GABRA6: variants seen among roughly 807,000 people sequenced by gnomAD.
GABRA6 encodes the protein gamma-aminobutyric acid receptor subunit alpha-6.
Under a neutral mutation model 47.3 loss-of-function variants are expected in GABRA6, and 45 were observed. That is an observed-to-expected ratio of 0.95 (90% CI 0.75 to 1.22). The LOEUF is 1.22. Ranked by LOEUF, GABRA6 falls within the 50% of genes most tolerant of loss-of-function variation. GABRA6 has a pLI of 0.00. For missense variants in GABRA6, 583 were observed against 549.3 expected (o/e 1.06, Z -0.61); for synonymous variants, 219 against 194.7 (o/e 1.12, Z -1.04).
At chr5:161,698,659 C>T (rs1754923975) in intron 8 of GABRA6, among the ~76,000 whole-genome samples, 1 of 151,938 alleles carries the variant, frequency 6.6e-6, no homozygotes, top group Non-Finnish European at 1.5e-5. Context: ...CCTACCTTCA[C>T]AGAAACTTGA....
At position 161,689,636 on chromosome 5, in the gene GABRA6, A is replaced by T. The variant is rs1754758983; in HGVS notation, c.530A>T (p.Tyr177Phe). Reference protein sequence around the residue: ...GHACPLKFGSYAYPKSEIIYT... With the variant: ...GHACPLKFGSFAYPKSEIIYT... Reference sequence around the variant, plus strand: ...TATTTAATTTGTTTCAAATATTTAGATGCTTATCCCAAAAGTGAAATCATA... The same window carrying T: ...TATTTAATTTGTTTCAAATATTTAGTTGCTTATCCCAAAAGTGAAATCATA... The change falls in exon 6 of 9, where the codon TAT (tyrosine) becomes TTT (phenylalanine). Residue 177 changes from tyrosine to phenylalanine, a missense_variant and splice_region_variant. Tyr to Phe is a conservative substitution (Grantham distance 22). Transcript: ENST00000274545. 6 of 1,607,314 alleles carry T rather than the reference A, an allele frequency of 3.7e-6. No homozygotes were observed. The highest frequency in any genetic ancestry group is 2.7e-5 in the African/African-American group (2 of 74,702).
intron 8 of GABRA6, among the ~76,000 whole-genome samples, chr5:161,693,935 A>G (rs1445755812): frequency 6.6e-6 from 1 of 152,196 alleles, no homozygotes. Context: ...GCCAGGGTGC[A>G]TACCACAGGA....
rs767089272 is a variant in GABRA6 at position 161,689,164 on chromosome 5, C to G, written c.441C>G (p.Thr147=). 3 of 1,613,216 alleles carry G rather than the reference C, an allele frequency of 1.9e-6. No individual in the cohort carries two copies. The highest frequency in any genetic ancestry group is 2.2e-5 in the East Asian group (1 of 44,868). Residue 147 remains threonine, a synonymous_variant, in exon 4 of 9, where the codon ACC becomes ACG. Transcript: ENST00000274545. Reference sequence around the variant, plus strand: ...TGCAGAATGGAACCATTTTATACACCATGAGGTGAGGTTTCTCCAATTCTA... The same window carrying G: ...TGCAGAATGGAACCATTTTATACACGATGAGGTGAGGTTTCTCCAATTCTA... ...RIMQNGTILY[T]MRLTINADCP...
chr5:161,692,159 A>T lies in GABRA6; in HGVS notation c.1045A>T (p.Ile349Leu). 6.2e-7 allele frequency: 1 copy of T among 1,614,242 alleles called. No homozygotes were observed. The highest frequency in any genetic ancestry group is 8.5e-7 in the Non-Finnish European group (1 of 1,180,042). ...GTTTGCAGCCCCACCCACAGTGACAATATCAAAAGCTACTGAACCTTTGGA... is the reference window on the plus strand; with the variant it reads ...GTTTGCAGCCCCACCCACAGTGACATTATCAAAAGCTACTGAACCTTTGGA... ...AQFAAPPTVT[I>L]SKATEPLEAE... The change falls in exon 8 of 9, where the codon ATA (isoleucine) becomes TTA (leucine). Residue 349 changes from isoleucine (I) to leucine (L), a missense_variant. Transcript: ENST00000274545.
chr5:161,690,421 A>C (rs1754772062), intron 7 of GABRA6, 68 bp downstream of exon 7: 3 of 1,463,008 alleles, frequency 2.1e-6, no homozygotes. Context: ...TATTTTGAGT[A>C]AATATTTACA....
intron 8 of GABRA6, among the ~76,000 whole-genome samples, chr5:161,698,812 T>C (rs534436583): frequency 6.6e-6 from 1 of 152,224 alleles, no homozygotes; most frequent in Admixed American, 6.5e-5. Flanking sequence ...CAGAGATTGT[T>C]TGGGGAAGTA....
chr5:161,686,848 T>C, intron 2 of GABRA6, 88 bp from the exon 3 acceptor site: 1 of 1,111,158 alleles, frequency 9.0e-7, no homozygotes, highest in South Asian at 1.3e-5. Flanking sequence ...CTGGCTATGA[T>C]AAGTAAGGGG....
chr5:161,686,414 G>C, intron 2 of GABRA6, 66 bp downstream of exon 2: 1 of 1,251,574 alleles, frequency 8.0e-7, no homozygotes, highest in South Asian at 1.2e-5. Context: ...GCCCTTTGAA[G>C]ACCCAGAAGA....
Position 161,701,047 on chromosome 5 carries a change from A to G in GABRA6, c.1087-451A>G, listed in dbSNP as rs554160038. On this transcript the variant is annotated intron_variant, in intron 8 of 8. Coordinates refer to ENST00000274545, the MANE Select transcript of GABRA6 (RefSeq NM_000811.3). ...GGAATGTGTACAGAAGAATGGCGTC[A>G]ATAAACCAGGCTGTAATTTTTTTGT... Among the ~76,000 whole-genome samples, 69 of 152,306 alleles carry G rather than the reference A, an allele frequency of 4.5e-4. 1 individual carries two copies. The highest frequency in any genetic ancestry group is 1.6e-3 in the African/African-American group (65 of 41,564).
rs753250852 is a variant in GABRA6, at chr5:161,690,300, C to A, written c.773C>A (p.Ser258Tyr). ...YTPCIMTVIL[S>Y]QVSFWINKES... ...CCTTGCATTATGACAGTCATTCTTTCCCAGGTGTCTTTCTGGATTAATAAG... is the reference window on the plus strand; with the variant it reads ...CCTTGCATTATGACAGTCATTCTTTACCAGGTGTCTTTCTGGATTAATAAG... Residue 258 changes from serine (S) to tyrosine (Y), a missense_variant, in exon 7 of 9, where the codon TCC becomes TAC. Coordinates refer to ENST00000274545, the MANE Select transcript of GABRA6 (RefSeq NM_000811.3). 3.1e-6 allele frequency: 5 copies of A among 1,613,616 alleles called. No individual in the cohort carries two copies. Among genetic ancestry groups the A allele is most frequent in the Non-Finnish European group, 4.2e-6 (5 of 1,179,684 alleles).
At chr5:161,694,543 G>T (rs1329848313) in intron 8 of GABRA6, among the ~76,000 whole-genome samples, 1 of 151,994 alleles carries the variant, frequency 6.6e-6, no homozygotes, top group Non-Finnish European at 1.5e-5. Context: ...CTCAGGTTTT[G>T]ATATAAACTG....
intron 7 of GABRA6, among the ~76,000 whole-genome samples, chr5:161,691,535 C>T (rs1234255593): frequency 6.6e-6 from 1 of 151,624 alleles, no homozygotes; most frequent in Non-Finnish European, 1.5e-5. Flanking sequence ...CTCCTGACCT[C>T]GTGATCCGCC....
At chr5:161,690,740 C>A (rs1360944099) in intron 7 of GABRA6, among the ~76,000 whole-genome samples, 2 of 152,080 alleles carry the variant, frequency 1.3e-5, no homozygotes, top group African/African-American at 2.4e-5. Context: ...TAGGTTGAAC[C>A]ATATAAAATT....
chr5:161,689,005 T>TG lies in GABRA6; in HGVS notation c.288dup (p.Pro97AlafsTer3). Reference sequence around the variant, plus strand: ...CCTGGACTGATGAGAGGTTGAAGTTTGGGGGGCCAACTGAGATTCTGAGTC... The same window carrying TG: ...CCTGGACTGATGAGAGGTTGAAGTTTGGGGGGGCCAACTGAGATTCTGAGTC... On this transcript the variant is annotated frameshift_variant, in exon 4 of 9. Coordinates refer to ENST00000274545, the MANE Select transcript of GABRA6 (RefSeq NM_000811.3). LOFTEE classifies it high-confidence loss of function. 4.3e-6 allele frequency: 7 copies of TG among 1,614,032 alleles called. No individual in the cohort carries two copies. Among genetic ancestry groups the TG allele is most frequent in the Non-Finnish European group, 5.9e-6 (7 of 1,179,944 alleles).
In GABRA6 at chr5:161,689,817, G is replaced by C. The variant is rs371369081; in HGVS notation, c.673+38G>C. ...CCAAAGGATGGAAATAATCCCTCAG[G>C]ATGACTCCAGTGCACATTTTCAAAA... On this transcript the variant is annotated intron_variant, in intron 6 of 8. Coordinates refer to ENST00000274545, the MANE Select transcript of GABRA6 (RefSeq NM_000811.3). The C allele has an allele frequency of 4.0e-5, 63 of 1,573,192 alleles. 3 individuals are homozygous for C. The Middle Eastern group carries it at 6.7e-4, about 17-fold the overall frequency.
chr5:161,688,835 C>A lies in GABRA6; in HGVS notation c.226-114C>A, dbSNP rs186290479. The stretch of plus-strand genomic sequence containing the variant: ...ATTATAGCTTTGTGAGAAATTATTG[C>A]GATAAAAAGTTGCTTTATTGCTTAA... On this transcript the variant is annotated intron_variant, in intron 3 of 8. Coordinates refer to ENST00000274545, the MANE Select transcript of GABRA6 (RefSeq NM_000811.3). 7.4e-6 allele frequency: 6 copies of A among 815,280 alleles called. No individual in the cohort carries two copies. The African/African-American group carries it at 8.5e-5, about 12-fold the overall frequency. 50.5% of individuals were successfully genotyped at this position (815,280 alleles called of 1,614,324 possible). A position where few individuals can be genotyped will look rare whatever the true frequency, so the allele number is the denominator to read the frequency against.
chr5:161,689,363 CAA>C (rs1754754583), intron 5 of GABRA6, 27 bp downstream of exon 5: 1 of 1,552,266 alleles, frequency 6.4e-7, no homozygotes, highest in Non-Finnish European at 8.9e-7. Context: ...TTCTGAGAGT[CAA>C]ATAATACATC....
intron 7 of GABRA6, 65 bp downstream of exon 7, chr5:161,690,418 A>G (rs1037971292): frequency 5.4e-5 from 81 of 1,500,218 alleles, no homozygotes; most frequent in Non-Finnish European, 6.8e-5. Context: ...GTGTATTTTG[A>G]GTAAATATTT....
intron 8 of GABRA6, among the ~76,000 whole-genome samples, chr5:161,692,441 A>G (rs1443253869): frequency 1.3e-5 from 2 of 152,210 alleles, no homozygotes; most frequent in South Asian, 2.1e-4. Context: ...ATACTGGCAG[A>G]TTCCAGGCTC....
Sources: gnomAD v4.1 joint callset for allele counts (sites outside exome capture counted in the v4.1 genomes callset) on GRCh38, gnomAD v4.1.1 for gene constraint, MANE v1.5 for transcripts, NCBI Gene and HGNC (gene_info 2026-07-23, HGNC 2026-07-21) for gene names.